SLC9A9: variants seen among roughly 807,000 people sequenced by gnomAD.
SLC9A9 encodes the protein sodium/hydrogen exchanger 9.
SLC9A9 carries 62 observed loss-of-function variants against 77.8 expected under a neutral mutation model. That is an observed-to-expected ratio of 0.80 (90% CI 0.65 to 0.98). The LOEUF is 0.98. Ranked by LOEUF, SLC9A9 falls within the 50% of genes least tolerant of loss-of-function variation. The pLI, the probability that SLC9A9 is intolerant of heterozygous loss-of-function variation, is 0.00. For synonymous variants in SLC9A9, 320 were observed against 283.5 expected, an observed-to-expected ratio of 1.13 and a Z score of -1.29; for missense variants, 775 against 774.9, an observed-to-expected ratio of 1.00 and a Z score of 0.00.
chr3:143,721,506 T>C (rs1934497278), intron 4 of SLC9A9, among the ~76,000 whole-genome samples: 1 of 151,892 alleles, frequency 6.6e-6, no homozygotes, highest in Non-Finnish European at 1.5e-5. Context: ...CAGGTGTAGG[T>C]AGGCAGTCTC....
intron 9 of SLC9A9, among the ~76,000 whole-genome samples, chr3:143,550,228 G>T (rs1188317829): frequency 6.6e-6 from 1 of 152,144 alleles, no homozygotes; most frequent in African/African-American, 2.4e-5. Flanking sequence ...TACAGGTTTT[G>T]CTTTGGTTGC....
intron 4 of SLC9A9, among the ~76,000 whole-genome samples, chr3:143,711,227 G>A (rs1934185412): frequency 6.6e-6 from 1 of 152,104 alleles, no homozygotes. Context: ...AATACAACTT[G>A]TTACTTGAAA....
At chr3:143,803,299 A>G (rs2008618165) in intron 2 of SLC9A9, among the ~76,000 whole-genome samples, 1 of 152,178 alleles carries the variant, frequency 6.6e-6, no homozygotes, top group Non-Finnish European at 1.5e-5. Flanking sequence ...TGAGCCTAAT[A>G]CATCCCTTCA....
intron 14 of SLC9A9, among the ~76,000 whole-genome samples, chr3:143,302,806 C>A (rs906569976): frequency 6.6e-6 from 1 of 152,166 alleles, no homozygotes; most frequent in African/African-American, 2.4e-5. Flanking sequence ...CAGATGGGTA[C>A]AAGTGAAGTG....
At chr3:143,836,463 G>A (rs1342841882) in intron 1 of SLC9A9, among the ~76,000 whole-genome samples, 1 of 152,206 alleles carries the variant, frequency 6.6e-6, no homozygotes, top group African/African-American at 2.4e-5. Flanking sequence ...TAGTCAGTCA[G>A]TTACCAACAT....
At chr3:143,795,675 G>T (rs2008366379) in intron 3 of SLC9A9, among the ~76,000 whole-genome samples, 1 of 152,180 alleles carries the variant, frequency 6.6e-6, no homozygotes, top group Non-Finnish European at 1.5e-5. Context: ...GCTGCTGTGA[G>T]CCATAATCGT....
At chr3:143,619,803 C>G (rs752957771) in intron 6 of SLC9A9, among the ~76,000 whole-genome samples, 1 of 152,200 alleles carries the variant, frequency 6.6e-6, no homozygotes, top group Non-Finnish European at 1.5e-5. Flanking sequence ...CTTCTGGTCC[C>G]GCCAACAGAA....
At chr3:143,574,958 T>C (rs1474549602) in intron 7 of SLC9A9, among the ~76,000 whole-genome samples, 1 of 152,076 alleles carries the variant, frequency 6.6e-6, no homozygotes, top group African/African-American at 2.4e-5. Flanking sequence ...CCCTGACAAA[T>C]AAGGAGATGT....
At chr3:143,825,712 T>A (rs969739290) in intron 2 of SLC9A9, among the ~76,000 whole-genome samples, 1 of 152,220 alleles carries the variant, frequency 6.6e-6, no homozygotes, top group African/African-American at 2.4e-5. Context: ...ACACAGGAAG[T>A]GAAGACTTGG....
intron 14 of SLC9A9, among the ~76,000 whole-genome samples, chr3:143,318,024 G>A (rs2031285691): frequency 6.6e-6 from 1 of 152,198 alleles, no homozygotes; most frequent in Admixed American, 6.5e-5. Flanking sequence ...ACCGTGCCCG[G>A]CCTCATTTTC....
intron 14 of SLC9A9, among the ~76,000 whole-genome samples, chr3:143,339,996 A>G (rs905962942): frequency 3.3e-5 from 5 of 152,342 alleles, no homozygotes; most frequent in Admixed American, 6.5e-5. Context: ...AGAAATCTCA[A>G]AAGCACTGAG....
At chr3:143,299,068 A>G (rs1559857659) in intron 14 of SLC9A9, among the ~76,000 whole-genome samples, 1 of 152,200 alleles carries the variant, frequency 6.6e-6, no homozygotes, top group Non-Finnish European at 1.5e-5. Context: ...GTGGGTGCTC[A>G]AGAAATGTCA....
chr3:143,729,183 C>T (rs1378891484), intron 4 of SLC9A9, among the ~76,000 whole-genome samples: 1 of 152,148 alleles, frequency 6.6e-6, no homozygotes, highest in Non-Finnish European at 1.5e-5. Context: ...CCTAAGGAAG[C>T]CTTCTTTGCC....
chr3:143,547,311 A>G (rs2036806689), intron 9 of SLC9A9, among the ~76,000 whole-genome samples: 1 of 151,972 alleles, frequency 6.6e-6, no homozygotes, highest in Non-Finnish European at 1.5e-5. Flanking sequence ...TCAAAATTGT[A>G]TTTTTCTCCT....
intron 8 of SLC9A9, among the ~76,000 whole-genome samples, chr3:143,557,160 AG>A (rs1360626520): frequency 1.3e-5 from 2 of 151,952 alleles, no homozygotes; most frequent in African/African-American, 4.8e-5. Flanking sequence ...ACTAGATCGG[AG>A]GGTTTTACAT....
chr3:143,317,452 T>C (rs1460591833), intron 14 of SLC9A9, among the ~76,000 whole-genome samples: 1 of 152,180 alleles, frequency 6.6e-6, no homozygotes, highest in Non-Finnish European at 1.5e-5. Context: ...TTAAAATACT[T>C]TCCTTAGTCA....
intron 11 of SLC9A9, among the ~76,000 whole-genome samples, chr3:143,493,452 A>G (rs1219018097): frequency 6.6e-6 from 1 of 152,214 alleles, no homozygotes; most frequent in African/African-American, 2.4e-5. Context: ...TACCAATAAG[A>G]TTCCCTCTAA....
chr3:143,420,304 G>A (rs183707786), intron 12 of SLC9A9, among the ~76,000 whole-genome samples: 3 of 152,234 alleles, frequency 2.0e-5, no homozygotes, highest in South Asian at 2.1e-4. Context: ...AGTTTGTAAA[G>A]TTCTTAGTAC....
intron 4 of SLC9A9, among the ~76,000 whole-genome samples, chr3:143,786,057 G>T (rs1262449505): frequency 6.6e-6 from 1 of 151,360 alleles, no homozygotes; most frequent in Non-Finnish European, 1.5e-5. Flanking sequence ...GGGTTTCACC[G>T]TGTTAGCCAG....
Sources: allele counts gnomAD v4.1 joint callset (sites outside exome capture counted in the v4.1 genomes callset), GRCh38; gene constraint gnomAD v4.1.1; transcripts MANE v1.5; gene names NCBI Gene and HGNC (gene_info 2026-07-23, HGNC 2026-07-21).